ESYT2: variants seen among roughly 807,000 people sequenced by gnomAD.
ESYT2 encodes extended synaptotagmin 2.
A neutral mutation model predicts 107.2 loss-of-function variants in ESYT2; 54 were observed. The ratio of observed to expected loss-of-function variants is 0.50; its 90% CI spans 0.40 to 0.63. ESYT2 has a LOEUF of 0.63. Among genes scored for constraint, ESYT2 ranks in the 30% least tolerant of loss-of-function variants. The pLI is 0.00. For synonymous variants in ESYT2, 491 were observed against 434.1 expected, an observed-to-expected ratio of 1.13 and a Z score of -1.63; for missense variants, 1,020 against 1,094.5, an observed-to-expected ratio of 0.93 and a Z score of 0.96.
rs73729997 is a variant in ESYT2 at position 158,794,174 on chromosome 7, T to C, written c.508-448A>G. 7.1e-3 allele frequency among the ~76,000 whole-genome samples: 1,087 copies of C among 152,384 alleles called. 16 individuals are homozygous for C. Among genetic ancestry groups the C allele is most frequent in the African/African-American group, 0.025 (1,042 of 41,590 alleles). ...AAACATAACTTCCTTTCATTTATTC[T>C]TTATGTCTCATAATTTTTCATTTCT... On this transcript the variant is annotated intron_variant, in intron 3 of 22. Coordinates refer to ENST00000275418, the MANE Select transcript of ESYT2 (RefSeq NM_001367773.1).
chr7:158,811,552 C>T (rs183066044), intron 1 of ESYT2, among the ~76,000 whole-genome samples: 26 of 152,344 alleles, frequency 1.7e-4, no homozygotes, highest in Middle Eastern at 3.4e-3. Context: ...CAGGAACACA[C>T]AGGCGCATGA....
intron 1 of ESYT2, among the ~76,000 whole-genome samples, chr7:158,823,294 CAAAA>C (rs1173735798): frequency 1.3e-4 from 4 of 29,810 alleles, no homozygotes; most frequent in East Asian, 7.2e-4. Context: ...GACTCTGTCT[CAAAA>C]AAAAAAAAAA....
At chr7:158,821,275 G>A (rs1158941074) in intron 1 of ESYT2, among the ~76,000 whole-genome samples, 1 of 152,166 alleles carries the variant, frequency 6.6e-6, no homozygotes, top group Non-Finnish European at 1.5e-5. Flanking sequence ...CAAAAGAACA[G>A]GAGGTGACTC....
chr7:158,756,479 A>C (rs1312168407), intron 13 of ESYT2, among the ~76,000 whole-genome samples: 1 of 152,366 alleles, frequency 6.6e-6, no homozygotes, highest in African/African-American at 2.4e-5. Context: ...TAAATCATGT[A>C]AGTGAAGGCA....
At chr7:158,735,951 A>G (rs1309304201) in intron 20 of ESYT2, among the ~76,000 whole-genome samples, 1 of 152,196 alleles carries the variant, frequency 6.6e-6, no homozygotes, top group Non-Finnish European at 1.5e-5. Context: ...GCAATTCCAG[A>G]GCAGCCCACT....
intron 6 of ESYT2, among the ~76,000 whole-genome samples, chr7:158,775,271 G>A (rs1206285115): frequency 3.9e-5 from 6 of 152,228 alleles, no homozygotes; most frequent in African/African-American, 1.4e-4. Flanking sequence ...CCTCAGTGCT[G>A]ATGGTTGCTG....
At chr7:158,798,646 CAAAAAA>C (rs57351086) in intron 2 of ESYT2, among the ~76,000 whole-genome samples, 32 of 49,858 alleles carry the variant, frequency 6.4e-4, no homozygotes, top group Non-Finnish European at 8.9e-4. Flanking sequence ...AGCTCCGTCT[CAAAAAA>C]AAAAAAAAAA....
chr7:158,817,028 TATCAAC>T (rs1274475687), intron 1 of ESYT2, among the ~76,000 whole-genome samples: 1 of 152,238 alleles, frequency 6.6e-6, no homozygotes, highest in East Asian at 1.9e-4. Flanking sequence ...TGTGTATAAA[TATCAAC>T]ACCAGCTTTA....
At chr7:158,781,649 A>C (rs1191355192) in intron 6 of ESYT2, among the ~76,000 whole-genome samples, 1 of 151,654 alleles carries the variant, frequency 6.6e-6, no homozygotes, top group Non-Finnish European at 1.5e-5. Context: ...AGGTGTGTGA[A>C]AGAACAAGTG....
At position 158,821,892 on chromosome 7, in the gene ESYT2, C is replaced by G. The variant is rs566654695; in HGVS notation, c.330+7197G>C. ...CCCTTCAATAAGAGTAGAATCTCTT[C>G]CCTAGCATGTCCGTAAATTTATAAC... On this transcript the variant is annotated intron_variant, in intron 1 of 22. Transcript: ENST00000275418. 3.9e-5 allele frequency among the ~76,000 whole-genome samples: 6 copies of G among 152,334 alleles called. No individual in the cohort carries two copies. The East Asian group carries it at 1.2e-3, about 29-fold the overall frequency.
chr7:158,758,035 T>C (rs1201370878), intron 13 of ESYT2, among the ~76,000 whole-genome samples: 1 of 152,182 alleles, frequency 6.6e-6, no homozygotes. Context: ...AAATTGAAAT[T>C]GTAACAGGTA....
intron 3 of ESYT2, among the ~76,000 whole-genome samples, chr7:158,796,631 G>A (rs1274818671): frequency 6.6e-6 from 1 of 152,224 alleles, no homozygotes; most frequent in African/African-American, 2.4e-5. Flanking sequence ...AAAAGTCAGT[G>A]TTAAAGAGAA....
intron 7 of ESYT2, among the ~76,000 whole-genome samples, chr7:158,772,295 C>T (rs1489599974): frequency 1.3e-5 from 2 of 152,080 alleles, no homozygotes; most frequent in African/African-American, 4.8e-5. Flanking sequence ...ACCACAGCAC[C>T]TAAAAAGGAC....
intron 1 of ESYT2, among the ~76,000 whole-genome samples, chr7:158,819,646 A>G (rs1387198443): frequency 6.6e-6 from 1 of 152,260 alleles, no homozygotes; most frequent in East Asian, 1.9e-4. Context: ...AGTTAGTAGA[A>G]TTGCAGGTAA....
chr7:158,781,918 A>C (rs1838845544), intron 6 of ESYT2, among the ~76,000 whole-genome samples: 1 of 150,790 alleles, frequency 6.6e-6, no homozygotes, highest in African/African-American at 2.4e-5. Flanking sequence ...CGACAGAACA[A>C]AGTGTGAAAG....
intron 7 of ESYT2, 112 bp downstream of exon 7, chr7:158,773,229 C>T (rs1451282195): frequency 1.7e-5 from 19 of 1,132,686 alleles, no homozygotes; most frequent in Non-Finnish European, 2.4e-5. Flanking sequence ...GAGAAGGCAC[C>T]CATTCACCTG....
chr7:158,780,205 C>T (rs1291116555), intron 6 of ESYT2, among the ~76,000 whole-genome samples: 1 of 152,190 alleles, frequency 6.6e-6, no homozygotes, highest in African/African-American at 2.4e-5. Flanking sequence ...GGGAACAATC[C>T]CATCCTGTGA....
rs1424640392 is a variant in ESYT2 at position 158,809,497 on chromosome 7, A to C, written c.331-10425T>G. 3.4e-4 allele frequency among the ~76,000 whole-genome samples: 48 copies of C among 140,624 alleles called. 1 individual carries two copies. The highest frequency in any genetic ancestry group is 2.9e-4 in the Admixed American group (4 of 13,992). 92.3% of individuals were successfully genotyped at this position (140,624 alleles called of 152,430 possible). On this transcript the variant is annotated intron_variant, in intron 1 of 22. Coordinates refer to ENST00000275418, the MANE Select transcript of ESYT2 (RefSeq NM_001367773.1). ...CTCAAAAAAAAAAAAAAAAAAAAAAACCAGGGGGGATGAGGGGGGCAAAAG... is the reference window on the plus strand; with the variant it reads ...CTCAAAAAAAAAAAAAAAAAAAAAACCCAGGGGGGATGAGGGGGGCAAAAG...
At chr7:158,752,526 T>G (rs1837619163) in intron 14 of ESYT2, among the ~76,000 whole-genome samples, 3 of 152,214 alleles carry the variant, frequency 2.0e-5, no homozygotes, top group African/African-American at 7.2e-5. Context: ...TTAAATCACC[T>G]TAGAGAGAGT....
Sources: gnomAD v4.1 joint callset for allele counts (sites outside exome capture counted in the v4.1 genomes callset) on GRCh38, gnomAD v4.1.1 for gene constraint, MANE v1.5 for transcripts, NCBI Gene and HGNC (gene_info 2026-07-23, HGNC 2026-07-21) for gene names.